The following ITGA2 variants were observed in gnomAD, a reference collection of about 807,000 sequenced individuals.
ITGA2 encodes integrin subunit alpha 2, also known as integrin alpha-2.
Under a neutral mutation model 146.3 loss-of-function variants are expected in ITGA2, and 101 were observed. The observed-to-expected ratio is 0.69, with a 90% CI of 0.59 to 0.81. ITGA2 has a LOEUF of 0.81. Ranked by LOEUF, ITGA2 falls within the 40% of genes least tolerant of loss-of-function variation. ITGA2 has a pLI of 0.00. For synonymous variants in ITGA2, 477 were observed against 487.1 expected (o/e 0.98, Z 0.27); for missense variants, 1,281 against 1,402.7 (o/e 0.91, Z 1.39).
In ITGA2 at chr5:53,090,659, G is replaced by A. The variant is rs886060663; in HGVS notation, c.*60G>A. 1.7e-4 allele frequency: 216 copies of A among 1,272,880 alleles called. No individual in the cohort carries two copies. The highest frequency in any genetic ancestry group is 2.2e-4 in the Non-Finnish European group (192 of 880,272). 78.8% of individuals were successfully genotyped at this position (1,272,880 alleles called of 1,614,324 possible). A position where few individuals can be genotyped will look rare whatever the true frequency, so the allele number is the denominator to read the frequency against. On this transcript the variant is annotated 3_prime_UTR_variant, in exon 30 of 30. Coordinates refer to ENST00000296585, the MANE Select transcript of ITGA2 (RefSeq NM_002203.4). ...ATCCCAGCCAGGGTTTGCTGTTTGC[G>A]TGAATGGATTTCTTTTTAAATCCCA...
intron 4 of ITGA2, among the ~76,000 whole-genome samples, chr5:53,045,684 A>G: frequency 6.6e-6 from 1 of 152,284 alleles, no homozygotes; most frequent in Admixed American, 6.5e-5. Context: ...AAAAAACTAG[A>G]AAAAAATGGA....
At chr5:53,055,903 G>C in intron 8 of ITGA2, 81 bp from the exon 9 acceptor site, 1 of 1,382,162 alleles carries the variant, frequency 7.2e-7, no homozygotes, top group Non-Finnish European at 1.0e-6. Flanking sequence ...AGGGAATATT[G>C]TGTTCAAAAT....
rs115280086 is a variant in ITGA2, at chr5:53,012,660, C to A, written c.65-14088C>A. 8.7e-3 allele frequency among the ~76,000 whole-genome samples: 1,320 copies of A among 152,202 alleles called. 28 individuals are homozygous for A. Among genetic ancestry groups the A allele is most frequent in the African/African-American group, 0.03 (1,259 of 41,534 alleles). The stretch of plus-strand genomic sequence containing the variant: ...TCAAATGATAATTGTGTTTTAAGTT[C>A]TTTGAGAAGTCACCAAACTGCTTTC... On this transcript the variant is annotated intron_variant, in intron 1 of 29. Coordinates refer to ENST00000296585, the MANE Select transcript of ITGA2 (RefSeq NM_002203.4).
At chr5:53,064,035 G>T (rs1028764540) in intron 13 of ITGA2, among the ~76,000 whole-genome samples, 1 of 151,818 alleles carries the variant, frequency 6.6e-6, no homozygotes, top group Non-Finnish European at 1.5e-5. Flanking sequence ...TTCCATACTT[G>T]ATCATAAAAT....
At chr5:53,023,021 A>T (rs1329559234) in intron 1 of ITGA2, among the ~76,000 whole-genome samples, 1 of 152,210 alleles carries the variant, frequency 6.6e-6, no homozygotes, top group Non-Finnish European at 1.5e-5. Context: ...TTACTGGAAT[A>T]CTTTGGCCTG....
intron 19 of ITGA2, among the ~76,000 whole-genome samples, 198 bp downstream of exon 19, chr5:53,072,893 A>G (rs913165044): frequency 1.3e-5 from 2 of 151,906 alleles, no homozygotes; most frequent in African/African-American, 4.8e-5. Context: ...CTGTATTTAA[A>G]TGGTTCCATT....
chr5:53,041,592 C>T (rs3212437), intron 2 of ITGA2, among the ~76,000 whole-genome samples: 5,890 of 152,182 alleles, frequency 0.039, 155 homozygotes, highest in East Asian at 0.075. Context: ...TACGTAGCCA[C>T]GAGCCACATG....
chr5:53,052,024 C>G (rs1007983119), intron 7 of ITGA2, among the ~76,000 whole-genome samples: 44 of 152,078 alleles, frequency 2.9e-4, no homozygotes, highest in African/African-American at 1.0e-3. Context: ...ATACAGGACT[C>G]TCTTGATTCT....
chr5:53,090,575 T>C lies in ITGA2; in HGVS notation c.3522T>C (p.Asp1174=). The C allele has an allele frequency of 6.2e-7, 1 of 1,614,118 alleles. No individual in the cohort carries two copies. The highest frequency in any genetic ancestry group is 1.1e-5 in the South Asian group (1 of 91,080). ...EKMTKNPDEI[D]ETTELSS ...TGACCAAAAATCCAGATGAGATTGATGAGACCACAGAGCTCAGTAGCTGAA... is the reference window on the plus strand; with the variant it reads ...TGACCAAAAATCCAGATGAGATTGACGAGACCACAGAGCTCAGTAGCTGAA... Residue 1174 remains aspartate (D), a synonymous_variant, in exon 30 of 30, where the codon GAT becomes GAC. Coordinates refer to ENST00000296585, the MANE Select transcript of ITGA2 (RefSeq NM_002203.4).
intron 1 of ITGA2, among the ~76,000 whole-genome samples, chr5:52,993,552 G>C (rs1401732601): frequency 2.0e-5 from 3 of 152,154 alleles, no homozygotes; most frequent in African/African-American, 7.2e-5. Context: ...GTTAGTGGCT[G>C]TGAGCGGCTG....
chr5:53,050,884 A>G (rs1744326303), intron 6 of ITGA2, among the ~76,000 whole-genome samples: 1 of 152,190 alleles, frequency 6.6e-6, no homozygotes, highest in Non-Finnish European at 1.5e-5. Context: ...AATAGAGGAA[A>G]TTCAGCACAA....
rs116339600 is a variant in ITGA2 at position 53,016,969 on chromosome 5, T to C, written c.65-9779T>C. On this transcript the variant is annotated intron_variant, in intron 1 of 29. Coordinates refer to ENST00000296585, the MANE Select transcript of ITGA2 (RefSeq NM_002203.4). Reference sequence around the variant, plus strand: ...TCTTTCTTGAAATAGTCATTTTGTCTTTCAGCTCCTGTATTATTTTGTTGT... The same window carrying C: ...TCTTTCTTGAAATAGTCATTTTGTCCTTCAGCTCCTGTATTATTTTGTTGT... Among the ~76,000 whole-genome samples the C allele has an allele frequency of 8.9e-3, 1,355 of 152,346 alleles. 25 individuals are homozygous for C. The highest frequency in any genetic ancestry group is 0.031 in the African/African-American group (1,288 of 41,578).
chr5:53,012,888 T>C (rs1357890361), intron 1 of ITGA2, among the ~76,000 whole-genome samples: 1 of 152,206 alleles, frequency 6.6e-6, no homozygotes, highest in African/African-American at 2.4e-5. Context: ...GTTGGCCACA[T>C]GTATTTCTTC....
intron 2 of ITGA2, among the ~76,000 whole-genome samples, chr5:53,029,308 T>TA: frequency 6.6e-6 from 1 of 152,208 alleles, no homozygotes; most frequent in East Asian, 1.9e-4. Context: ...TTCCCTAGAT[T>TA]AAAATTCCTT....
At position 53,067,114 on chromosome 5, in the gene ITGA2, T is replaced by A. The variant is rs778265189; in HGVS notation, c.1944-4T>A. 6.2e-7 allele frequency: 1 copy of A among 1,609,800 alleles called. No individual in the cohort carries two copies. Among genetic ancestry groups the A allele is most frequent in the East Asian group, 2.2e-5 (1 of 44,610 alleles). ...ATCCATCTGTTACTCTTTATGTCTT[T>A]TAGGTCACAAAGTATTGCTGATGTA... On this transcript the variant is annotated splice_region_variant and splice_polypyrimidine_tract_variant and intron_variant, in intron 15 of 29. Transcript: ENST00000296585.
intron 1 of ITGA2, among the ~76,000 whole-genome samples, chr5:52,993,324 T>C (rs1263168161): frequency 6.6e-6 from 1 of 152,168 alleles, no homozygotes; most frequent in Non-Finnish European, 1.5e-5. Flanking sequence ...CTCTTAATAC[T>C]AGGTCCTGAG....
rs145314377 is a variant in ITGA2 at position 53,041,010 on chromosome 5, G to A, written c.186-1102G>A. Among the ~76,000 whole-genome samples the A allele has an allele frequency of 2.2e-4, 34 of 151,872 alleles. 1 individual carries two copies. Among genetic ancestry groups the A allele is most frequent in the African/African-American group, 8.0e-4 (33 of 41,426 alleles). Reference sequence around the variant, plus strand: ...CTGCTTTAATCCTTTTGTATCTACCGTACCTCAACATGGGGCATATGTTGT... The same window carrying A: ...CTGCTTTAATCCTTTTGTATCTACCATACCTCAACATGGGGCATATGTTGT... On this transcript the variant is annotated intron_variant, in intron 2 of 29. Transcript: ENST00000296585.
intron 1 of ITGA2, among the ~76,000 whole-genome samples, chr5:53,018,401 C>T (rs1163710681): frequency 6.6e-6 from 1 of 152,080 alleles, no homozygotes; most frequent in Non-Finnish European, 1.5e-5. Context: ...AGGAGCAGGC[C>T]ACTCCTCACC....
chr5:53,042,280 C>A, intron 3 of ITGA2, 59 bp downstream of exon 3: 1 of 1,046,920 alleles, frequency 9.6e-7, no homozygotes, highest in Non-Finnish European at 1.5e-6. Context: ...TGAAAAATAA[C>A]ATCAGAACAA....
Sources: allele counts gnomAD v4.1 joint callset (sites outside exome capture counted in the v4.1 genomes callset), GRCh38; gene constraint gnomAD v4.1.1; transcripts MANE v1.5; gene names NCBI Gene and HGNC (gene_info 2026-07-23, HGNC 2026-07-21).